Variants in ADAM12 observed in about 807,000 individuals in gnomAD.
The protein encoded by ADAM12 is ADAM metallopeptidase domain 12.
Under a neutral mutation model 106.4 loss-of-function variants are expected in ADAM12, and 70 were observed. That is an observed-to-expected ratio of 0.66 (90% CI 0.54 to 0.80). The LOEUF (loss-of-function observed/expected upper bound fraction) is 0.80. ADAM12 is among the 30% of genes least tolerant of loss of function. The pLI, the probability that ADAM12 is intolerant of heterozygous loss-of-function variation, is 0.00. For synonymous variants in ADAM12, 420 were observed against 433.5 expected (o/e 0.97, Z 0.39); for missense variants, 1,010 against 1,171.9 (o/e 0.86, Z 2.02).
intron 3 of ADAM12, among the ~76,000 whole-genome samples, chr10:126,216,321 T>C (rs1957986798): frequency 6.6e-6 from 1 of 152,116 alleles, no homozygotes; most frequent in South Asian, 2.1e-4. Flanking sequence ...CTACAGCCTT[T>C]CCTACAACAG....
At chr10:126,084,448 C>T (rs1260423783) in intron 11 of ADAM12, among the ~76,000 whole-genome samples, 4 of 152,116 alleles carry the variant, frequency 2.6e-5, no homozygotes, top group South Asian at 4.1e-4. Context: ...AGCAGACTCT[C>T]GTAGACATGG....
intron 14 of ADAM12, among the ~76,000 whole-genome samples, chr10:126,058,886 T>C (rs541552989): frequency 6.6e-6 from 1 of 152,390 alleles, no homozygotes; most frequent in East Asian, 1.9e-4. Context: ...AAAAAATGTC[T>C]GTCTTCATGA....
chr10:126,109,269 G>A (rs896251046), intron 7 of ADAM12, among the ~76,000 whole-genome samples: 1 of 152,114 alleles, frequency 6.6e-6, no homozygotes, highest in Non-Finnish European at 1.5e-5. Flanking sequence ...AGTAAATACA[G>A]AGAAGATAAT....
chr10:126,361,243 G>T (rs1353079969), intron 1 of ADAM12, among the ~76,000 whole-genome samples: 1 of 152,012 alleles, frequency 6.6e-6, no homozygotes, highest in Non-Finnish European at 1.5e-5. Context: ...AGGAGTTAAA[G>T]AACTTGTATA....
rs190331630 is a variant in ADAM12, at chr10:126,334,581, A to G, written c.89-4072T>C. On this transcript the variant is annotated intron_variant, in intron 1 of 22. Transcript: ENST00000448723. ...GTCATTTTCAGATCTGATTCAGGCT[A>G]GTCAAGATTGCAATGAAAGTTTTTA... is the stretch of plus-strand genomic sequence containing the variant. 2.4e-3 allele frequency among the ~76,000 whole-genome samples: 358 copies of G among 152,228 alleles called. 8 individuals carry two copies. The South Asian group carries it at 0.024, about 10-fold the overall frequency.
intron 2 of ADAM12, among the ~76,000 whole-genome samples, chr10:126,324,842 C>A (rs1482104725): frequency 6.6e-6 from 1 of 151,756 alleles, no homozygotes; most frequent in Non-Finnish European, 1.5e-5. Context: ...TCTCAGGGGT[C>A]AAAGCAGAAT....
chr10:126,121,216 ATT>A (rs1281445091), intron 5 of ADAM12, among the ~76,000 whole-genome samples: 9 of 105,498 alleles, frequency 8.5e-5, no homozygotes, highest in African/African-American at 2.7e-4. Flanking sequence ...TACTATATAT[ATT>A]ATATACTATA....
chr10:126,343,478 G>A (rs958514257), intron 1 of ADAM12, among the ~76,000 whole-genome samples: 7 of 152,052 alleles, frequency 4.6e-5, no homozygotes, highest in South Asian at 2.1e-4. Flanking sequence ...GAATAGTGCC[G>A]CAATAAACAT....
intron 20 of ADAM12, 149 bp from the exon 21 acceptor site, chr10:126,036,474 T>A: frequency 1.5e-6 from 1 of 674,728 alleles, no homozygotes; most frequent in Non-Finnish European, 2.2e-6. Context: ...AAGAGGGGAA[T>A]TATTTTTGTA....
intron 21 of ADAM12, among the ~76,000 whole-genome samples, chr10:126,029,603 T>A (rs1953938939): frequency 6.6e-6 from 1 of 152,146 alleles, no homozygotes; most frequent in Non-Finnish European, 1.5e-5. Flanking sequence ...AGCTAATGGA[T>A]GCCCAGCTTA....
intron 4 of ADAM12, among the ~76,000 whole-genome samples, chr10:126,139,936 ATT>A (rs5788766): frequency 0.32 from 49,190 of 151,958 alleles, 8,282 homozygotes; most frequent in Non-Finnish European, 0.38. Flanking sequence ...AAGCATGATA[ATT>A]CTCTGACTAT....
At chr10:126,308,025 G>A (rs1960924418) in intron 2 of ADAM12, among the ~76,000 whole-genome samples, 1 of 152,150 alleles carries the variant, frequency 6.6e-6, no homozygotes, top group Admixed American at 6.5e-5. Context: ...AGGAAAATTG[G>A]ACTGATGTGA....
intron 3 of ADAM12, among the ~76,000 whole-genome samples, chr10:126,261,332 T>C (rs975677136): frequency 6.6e-6 from 1 of 152,228 alleles, no homozygotes; most frequent in Non-Finnish European, 1.5e-5. Context: ...CATCTGGTTC[T>C]CATTTTGAAA....
intron 6 of ADAM12, among the ~76,000 whole-genome samples, chr10:126,114,778 G>A (rs1303040919): frequency 6.6e-6 from 1 of 152,086 alleles, no homozygotes; most frequent in Non-Finnish European, 1.5e-5. Context: ...CCACCACCAA[G>A]CTTTAAGAAC....
chr10:126,279,073 A>G, intron 2 of ADAM12, 85 bp from the exon 3 acceptor site: 1 of 992,678 alleles, frequency 1.0e-6, no homozygotes, highest in Admixed American at 2.0e-5. Context: ...GCGTAGTCAA[A>G]TGAGGGAATA....
intron 2 of ADAM12, among the ~76,000 whole-genome samples, chr10:126,288,115 G>A (rs1486240478): frequency 6.6e-6 from 1 of 152,114 alleles, no homozygotes; most frequent in Non-Finnish European, 1.5e-5. Context: ...GTCACAAGCA[G>A]AGGGTCCTCT....
chr10:126,047,867 C>A (rs1386479515), intron 16 of ADAM12, among the ~76,000 whole-genome samples: 1 of 152,156 alleles, frequency 6.6e-6, no homozygotes, highest in Non-Finnish European at 1.5e-5. Context: ...GCACTACTCA[C>A]AATAGCAAAG....
At chr10:126,256,661 C>T (rs927732012) in intron 3 of ADAM12, among the ~76,000 whole-genome samples, 32 of 152,174 alleles carry the variant, frequency 2.1e-4, no homozygotes, top group African/African-American at 7.7e-4. Context: ...GGACAATAGC[C>T]CAGTGCAGAG....
intron 2 of ADAM12, among the ~76,000 whole-genome samples, chr10:126,302,705 T>C (rs1960676967): frequency 6.6e-6 from 1 of 152,208 alleles, no homozygotes; most frequent in African/African-American, 2.4e-5. Flanking sequence ...ATGGTGAGGA[T>C]GTTTCATTAT....
Sources: allele counts gnomAD v4.1 joint callset (sites outside exome capture counted in the v4.1 genomes callset), GRCh38; gene constraint gnomAD v4.1.1; transcripts MANE v1.5; gene names NCBI Gene and HGNC (gene_info 2026-07-23, HGNC 2026-07-21).